Variants in USP24 observed in about 807,000 individuals in gnomAD.
USP24 encodes the protein ubiquitin specific peptidase 24.
Under a neutral mutation model 361.6 loss-of-function variants are expected in USP24, and 97 were observed. The observed-to-expected ratio is 0.27, with a 90% CI of 0.23 to 0.32. The LOEUF (loss-of-function observed/expected upper bound fraction) is 0.32. USP24 is among the 10% of genes least tolerant of loss of function. The probability of loss-of-function intolerance (pLI) is 1.00; values close to 1 mark genes in which losing one functional copy is unlikely to be tolerated. For missense variants in USP24, 2,353 were observed against 3,165.6 expected (o/e 0.74, Z 6.16); for synonymous variants, 1,098 against 1,124.6 (o/e 0.98, Z 0.47).
At chr1:55,192,852 T>G (rs1399954760) in intron 1 of USP24, among the ~76,000 whole-genome samples, 2 of 152,220 alleles carry the variant, frequency 1.3e-5, no homozygotes, top group Non-Finnish European at 2.9e-5. Context: ...TTTCCTGGAA[T>G]GCATCTTCAT....
chr1:55,201,600 C>CAAAAAAAAAAAAAA (rs56659823), intron 1 of USP24, among the ~76,000 whole-genome samples: 1 of 35,460 alleles, frequency 2.8e-5, no homozygotes, highest in Non-Finnish European at 4.4e-5. Flanking sequence ...GACTCCATCT[C>CAAAAAAAAAAAAAA]AAAAAAAAAA....
chr1:55,089,429 G>T lies in USP24; in HGVS notation c.6668+198C>A, dbSNP rs770415193. Reference sequence around the variant, plus strand: ...GCGATCTGCCTCACAGGCTCTTCTTGTGGTCACTGAATACTTGCCTGAGAT... The same window carrying T: ...GCGATCTGCCTCACAGGCTCTTCTTTTGGTCACTGAATACTTGCCTGAGAT... On this transcript the variant is annotated intron_variant, in intron 55 of 67. Coordinates refer to ENST00000294383, the MANE Select transcript of USP24 (RefSeq NM_015306.3). 3.3e-5 allele frequency among the ~76,000 whole-genome samples: 5 copies of T among 152,268 alleles called. No homozygotes were observed. The Middle Eastern group carries it at 0.01, about 311-fold the overall frequency.
At chr1:55,177,105 AAAC>A (rs1431500751) in intron 2 of USP24, among the ~76,000 whole-genome samples, 458 of 151,610 alleles carry the variant, frequency 3.0e-3, no homozygotes, top group Non-Finnish European at 5.0e-3. Context: ...AAAAAAAAAA[AAAC>A]AACAAAAACA....
Position 55,215,086 on chromosome 1 carries a change from T to C in USP24, c.28A>G (p.Thr10Ala). 1 of 1,354,378 alleles carries C rather than the reference T, an allele frequency of 7.4e-7. No individual in the cohort carries two copies. The highest frequency in any genetic ancestry group is 9.6e-7 in the Non-Finnish European group (1 of 1,044,676). The allele number at this position is 1,354,378 out of a possible 1,614,324, so 83.9% of individuals were successfully genotyped here. ...GAGAAGCCCATGCACAGCAGCGTGG[T>C]CATGTGCTGCTCCTCCTCCGATTCC... MESEEEQHM[T>A]TLLCMGFSDP... is the part of the protein sequence containing the mutation. The change falls in exon 1 of 68, where the codon ACC becomes GCC. Residue 10 changes from threonine to alanine, a missense_variant. By Grantham distance (58) the Thr-to-Ala change is moderately conservative. Around this residue, in one of 8 missense-constraint regions of USP24, gnomAD observed 253 missense variants for 255.3 expected, o/e 0.99. Coordinates refer to ENST00000294383, the MANE Select transcript of USP24 (RefSeq NM_015306.3).
intron 15 of USP24, 30 bp downstream of exon 15, chr1:55,154,089 C>A (rs1488104178): frequency 6.2e-7 from 1 of 1,612,490 alleles, no homozygotes; most frequent in Non-Finnish European, 8.5e-7. Flanking sequence ...GTTGCTCTAA[C>A]AACAAAATCA....
chr1:55,206,592 C>G (rs949639938), intron 1 of USP24, among the ~76,000 whole-genome samples: 1 of 148,632 alleles, frequency 6.7e-6, no homozygotes, highest in Non-Finnish European at 1.5e-5. Flanking sequence ...CAAGATTATT[C>G]CACAATTAAA....
chr1:55,096,852 C>T lies in USP24; in HGVS notation c.5936+100G>A, dbSNP rs562744449. 1.4e-4 allele frequency: 202 copies of T among 1,447,944 alleles called. 1 individual carries two copies. In the South Asian group the frequency reaches 2.4e-3, roughly 17 times the overall value. The allele number at this position is 1,447,944 out of a possible 1,614,324, so 89.7% of individuals were successfully genotyped here. On this transcript the variant is annotated intron_variant, in intron 49 of 67. Coordinates refer to ENST00000294383, the MANE Select transcript of USP24 (RefSeq NM_015306.3). ...CTTCAAAATGAAACACAGTCAAGAA[C>T]AATGCCAAAGTGTCCCTGCACCACA...
At position 55,086,048 on chromosome 1, in the gene USP24, A is replaced by G. The variant is rs1467034621; in HGVS notation, c.6669-10T>C. On this transcript the variant is annotated splice_polypyrimidine_tract_variant and intron_variant, in intron 55 of 67. Coordinates refer to ENST00000294383, the MANE Select transcript of USP24 (RefSeq NM_015306.3). Reference sequence around the variant, plus strand: ...CTCCAGTAAGAAAATCCTGAAAGAAAGAGAAAGGTGGTGTGAAAAAGCAAG... The same window carrying G: ...CTCCAGTAAGAAAATCCTGAAAGAAGGAGAAAGGTGGTGTGAAAAAGCAAG... 1.2e-6 allele frequency: 2 copies of G among 1,613,528 alleles called. No individual in the cohort carries two copies. The highest frequency in any genetic ancestry group is 2.2e-5 in the South Asian group (2 of 91,066).
intron 63 of USP24, among the ~76,000 whole-genome samples, chr1:55,075,250 T>C (rs1373839152): frequency 1.3e-5 from 2 of 151,864 alleles, no homozygotes; most frequent in Non-Finnish European, 2.9e-5. Flanking sequence ...CCTTCCTGAC[T>C]AAAAGAGGAG....
chr1:55,112,917 C>T (rs1388789295), intron 38 of USP24, among the ~76,000 whole-genome samples: 3 of 152,150 alleles, frequency 2.0e-5, no homozygotes, highest in African/African-American at 7.2e-5. Context: ...TTGTAGGTCT[C>T]TAAGAACTTG....
Position 55,089,595 on chromosome 1 carries a change from A to T in USP24, c.6668+32T>A, listed in dbSNP as rs1332618609. On this transcript the variant is annotated intron_variant, in intron 55 of 67. Transcript: ENST00000294383. The stretch of plus-strand genomic sequence containing the variant: ...CTCTAAATCACTGGAAGAGACACAA[A>T]TTTCTTTTAATTAAAAGACTCCAAC... 4.1e-6 allele frequency: 6 copies of T among 1,456,236 alleles called. No homozygotes were observed. In the African/African-American group the frequency reaches 8.6e-5, roughly 21 times the overall value. 90.2% of individuals were successfully genotyped at this position (1,456,236 alleles called of 1,614,324 possible).
intron 66 of USP24, 25 bp downstream of exon 66, chr1:55,072,292 C>T (rs761886805): frequency 7.5e-6 from 12 of 1,603,926 alleles, no homozygotes; most frequent in Middle Eastern, 1.6e-4. Context: ...ATTTAGACCA[C>T]GCAAAAACAA....
At chr1:55,140,539 T>C (rs1268572419) in intron 24 of USP24, among the ~76,000 whole-genome samples, 2 of 152,182 alleles carry the variant, frequency 1.3e-5, no homozygotes, top group Non-Finnish European at 2.9e-5. Flanking sequence ...GCTTCCTTCA[T>C]ATTAACAAAG....
intron 38 of USP24, among the ~76,000 whole-genome samples, chr1:55,118,291 A>G (rs1646178709): frequency 6.6e-6 from 1 of 152,216 alleles, no homozygotes; most frequent in Non-Finnish European, 1.5e-5. Context: ...AATGCAATAG[A>G]AATATAGAAC....
intron 13 of USP24, 102 bp downstream of exon 13, chr1:55,154,569 C>T (rs1346235427): frequency 4.1e-6 from 6 of 1,454,012 alleles, no homozygotes; most frequent in Non-Finnish European, 5.6e-6. Flanking sequence ...AAGAAAAGTA[C>T]ATTTAAATAC....
At chr1:55,124,747 A>T in intron 34 of USP24, 119 bp from the exon 35 acceptor site, 1 of 1,107,352 alleles carries the variant, frequency 9.0e-7, no homozygotes. Flanking sequence ...GTCATCCAGA[A>T]AGATGGCCTT....
At chr1:55,196,740 T>A (rs1644429198) in intron 1 of USP24, among the ~76,000 whole-genome samples, 1 of 152,220 alleles carries the variant, frequency 6.6e-6, no homozygotes, top group South Asian at 2.1e-4. Flanking sequence ...TCATGGTATC[T>A]CCCTGTTGAA....
rs1394365381 is a variant in USP24, at chr1:55,090,644, G to A, written c.6555-904C>T. 2.0e-5 allele frequency among the ~76,000 whole-genome samples: 3 copies of A among 152,156 alleles called. No individual in the cohort carries two copies. The East Asian group carries it at 5.8e-4, about 29-fold the overall frequency. Reference sequence around the variant, plus strand: ...TTAAGTAGTCTTTTAACTCTAACTGGTCTCCTCACCCTGGGTCTCCCCTTA... The same window carrying A: ...TTAAGTAGTCTTTTAACTCTAACTGATCTCCTCACCCTGGGTCTCCCCTTA... On this transcript the variant is annotated intron_variant, in intron 54 of 67. Coordinates refer to ENST00000294383, the MANE Select transcript of USP24 (RefSeq NM_015306.3).
intron 1 of USP24, among the ~76,000 whole-genome samples, chr1:55,189,368 A>T (rs1384766691): frequency 6.6e-6 from 1 of 152,230 alleles, no homozygotes; most frequent in Non-Finnish European, 1.5e-5. Context: ...AAGTTACAGT[A>T]TTTTGAATGA....
Sources: gnomAD v4.1 joint callset for allele counts (sites outside exome capture counted in the v4.1 genomes callset) on GRCh38, gnomAD v4.1.1 for gene constraint, gnomAD v4.1.1 regional missense constraint, MANE v1.5 for transcripts, NCBI Gene and HGNC (gene_info 2026-07-23, HGNC 2026-07-21) for gene names.